The following NR6A1 variants were observed in gnomAD, a reference collection of about 807,000 sequenced individuals.
NR6A1 encodes retinoic acid receptor-related testis-associated receptor.
In NR6A1, 7 loss-of-function variants were observed where a neutral mutation model predicts 59.1. The ratio of observed to expected loss-of-function variants is 0.12; its 90% CI spans 0.07 to 0.22. The LOEUF (loss-of-function observed/expected upper bound fraction) is 0.22, where lower values mean the gene tolerates loss of function less well. NR6A1 is among the 10% of genes least tolerant of loss of function. NR6A1 has a pLI of 1.00. For synonymous variants in NR6A1, 243 were observed against 236.1 expected (o/e 1.03, Z -0.27); for missense variants, 468 against 611.6 (o/e 0.77, Z 2.48).
intron 4 of NR6A1, among the ~76,000 whole-genome samples, chr9:124,541,788 T>A (rs1833455818): frequency 2.0e-5 from 3 of 152,222 alleles, no homozygotes. Context: ...TTTAAGTGTC[T>A]GATGACAGAG....
At chr9:124,551,233 C>A (rs910978368) in intron 3 of NR6A1, among the ~76,000 whole-genome samples, 1 of 152,144 alleles carries the variant, frequency 6.6e-6, no homozygotes, top group Non-Finnish European at 1.5e-5. Flanking sequence ...CTGCTTCTAG[C>A]CCCTCTCAGT....
chr9:124,551,775 T>C (rs1249007675), intron 3 of NR6A1, among the ~76,000 whole-genome samples: 1 of 152,238 alleles, frequency 6.6e-6, no homozygotes, highest in Non-Finnish European at 1.5e-5. Flanking sequence ...ACATTTATTT[T>C]TTTGTGGTGT....
chr9:124,734,628 G>T (rs1329420168), intron 1 of NR6A1, among the ~76,000 whole-genome samples: 1 of 152,150 alleles, frequency 6.6e-6, no homozygotes, highest in African/African-American at 2.4e-5. Flanking sequence ...GGGAGGTGGA[G>T]GTTGCAGTGA....
At position 124,679,631 on chromosome 9, in the gene NR6A1, C is replaced by A. The variant is rs868760015; in HGVS notation, c.142+53677G>T. Among the ~76,000 whole-genome samples the A allele has an allele frequency of 2.6e-4, 40 of 152,138 alleles. 1 individual carries two copies. Among genetic ancestry groups the A allele is most frequent in the African/African-American group, 8.9e-4 (37 of 41,506 alleles). On this transcript the variant is annotated intron_variant, in intron 2 of 9. Transcript: ENST00000487099. ...AAAGGCTGGGCACAGTGGCTGATGC[C>A]TGTAATTCCAGCACTTTGAGAGGCC...
chr9:124,733,216 G>C, intron 2 of NR6A1, 92 bp downstream of exon 2: 1 of 900,786 alleles, frequency 1.1e-6, no homozygotes, highest in East Asian at 2.4e-5. Context: ...AATAAAGTAA[G>C]GCTTATCAAT....
chr9:124,680,024 T>C lies in NR6A1; in HGVS notation c.142+53284A>G, dbSNP rs536403422. On this transcript the variant is annotated intron_variant, in intron 2 of 9. Coordinates refer to ENST00000487099, the MANE Select transcript of NR6A1 (RefSeq NM_033334.4). ...TGATTATTTATATCTCAAAAGGAAA[T>C]TATGAGTTATACATTATATGTAATT... 3.7e-3 allele frequency among the ~76,000 whole-genome samples: 559 copies of C among 151,932 alleles called. 4 individuals carry two copies. The highest frequency in any genetic ancestry group is 0.013 in the African/African-American group (536 of 41,420).
chr9:124,749,897 T>C (rs1425749232), intron 1 of NR6A1, among the ~76,000 whole-genome samples: 2 of 152,226 alleles, frequency 1.3e-5, no homozygotes, highest in Non-Finnish European at 2.9e-5. Flanking sequence ...GCATCCCTAC[T>C]TCCCCACAGC....
At chr9:124,743,236 T>C (rs1840226989) in intron 1 of NR6A1, among the ~76,000 whole-genome samples, 2 of 152,366 alleles carry the variant, frequency 1.3e-5, no homozygotes, top group East Asian at 3.9e-4. Context: ...GTGAGTGGGA[T>C]GCCACTTGGG....
intron 2 of NR6A1, among the ~76,000 whole-genome samples, chr9:124,641,359 C>CAAAA (rs558122642): frequency 8.6e-5 from 7 of 81,502 alleles, no homozygotes; most frequent in Non-Finnish European, 1.6e-4. Context: ...AAATCTGTCT[C>CAAAA]AAAAAAAAAA....
At chr9:124,624,647 C>T (rs1414958184) in intron 2 of NR6A1, among the ~76,000 whole-genome samples, 1 of 152,118 alleles carries the variant, frequency 6.6e-6, no homozygotes, top group Admixed American at 6.5e-5. Context: ...AAAATAGGTC[C>T]CCTAAAACAA....
At chr9:124,664,826 G>A (rs1243959780) in intron 2 of NR6A1, among the ~76,000 whole-genome samples, 1 of 151,812 alleles carries the variant, frequency 6.6e-6, no homozygotes, top group Admixed American at 6.6e-5. Flanking sequence ...TGCCTTCATG[G>A]AGCTAACAAG....
At chr9:124,566,619 A>C (rs984175533) in intron 2 of NR6A1, among the ~76,000 whole-genome samples, 1 of 152,198 alleles carries the variant, frequency 6.6e-6, no homozygotes, top group Non-Finnish European at 1.5e-5. Context: ...AAAGCTACTG[A>C]AATGTTTGAA....
rs540027681 is a variant in NR6A1 at position 124,736,238 on chromosome 9, G to C, written c.101-2889C>G. 1.2e-4 allele frequency among the ~76,000 whole-genome samples: 18 copies of C among 152,100 alleles called. No homozygotes were observed. In the South Asian group the frequency reaches 3.7e-3, roughly 32 times the overall value. ...AGACTACTTTGGACATTAAATGAACGGACTATACTAGAAGTCTCAAAAAAG... is the reference window on the plus strand; with the variant it reads ...AGACTACTTTGGACATTAAATGAACCGACTATACTAGAAGTCTCAAAAAAG... On this transcript the variant is annotated intron_variant, in intron 1 of 9. Coordinates refer to ENST00000487099, the MANE Select transcript of NR6A1 (RefSeq NM_033334.4).
In NR6A1 at chr9:124,540,044, T is replaced by C. The variant is rs1051237267; in HGVS notation, c.585A>G (p.Thr195=). ...GCCTTAAAGCTCACCTGGAAGACAG[T>C]GTGGAGCCTGGTGAGGGCTGGTTGC... The part of the protein sequence containing the change: ...SESNQPSPGS[T]LSSSRSVELN... Residue 195 remains threonine, a synonymous_variant, in exon 5 of 10, where the codon ACA becomes ACG. Coordinates refer to ENST00000487099, the MANE Select transcript of NR6A1 (RefSeq NM_033334.4). 1.2e-6 allele frequency: 2 copies of C among 1,611,810 alleles called. No homozygotes were observed. Among genetic ancestry groups the C allele is most frequent in the Non-Finnish European group, 1.7e-6 (2 of 1,178,944 alleles).
chr9:124,607,878 C>A (rs1423254744), intron 2 of NR6A1, among the ~76,000 whole-genome samples: 1 of 152,072 alleles, frequency 6.6e-6, no homozygotes, highest in Admixed American at 6.6e-5. Context: ...AACCCTGTCT[C>A]TACAAAAATA....
At chr9:124,726,253 A>C (rs1485835029) in intron 2 of NR6A1, among the ~76,000 whole-genome samples, 1 of 152,188 alleles carries the variant, frequency 6.6e-6, no homozygotes, top group Non-Finnish European at 1.5e-5. Flanking sequence ...CTCCATGACC[A>C]AAAATGTCCC....
intron 2 of NR6A1, among the ~76,000 whole-genome samples, chr9:124,577,933 C>T (rs1834651544): frequency 6.6e-6 from 1 of 152,338 alleles, no homozygotes; most frequent in East Asian, 1.9e-4. Context: ...CTTCTCTGTC[C>T]TGATGACTGC....
At chr9:124,551,404 CTTCT>C (rs993394588) in intron 3 of NR6A1, among the ~76,000 whole-genome samples, 2 of 152,210 alleles carry the variant, frequency 1.3e-5, no homozygotes, top group African/African-American at 4.8e-5. Context: ...TGATTTATAA[CTTCT>C]TTCTTTCTCT....
At chr9:124,570,969 C>T (rs1834422107) in intron 2 of NR6A1, among the ~76,000 whole-genome samples, 1 of 152,170 alleles carries the variant, frequency 6.6e-6, no homozygotes, top group African/African-American at 2.4e-5. Flanking sequence ...TTGAGAGCCC[C>T]TCTATGCCCT....
Sources: allele counts gnomAD v4.1 joint callset (sites outside exome capture counted in the v4.1 genomes callset), GRCh38; gene constraint gnomAD v4.1.1; transcripts MANE v1.5; gene names NCBI Gene and HGNC (gene_info 2026-07-23, HGNC 2026-07-21).